Variants in TRIP11 observed in about 807,000 individuals in gnomAD.
The protein encoded by TRIP11 is thyroid hormone receptor interactor 11, also known as thyroid receptor-interacting protein 11.
A neutral mutation model predicts 223.1 loss-of-function variants in TRIP11; 148 were observed. The observed-to-expected ratio is 0.66, with a 90% CI of 0.58 to 0.76. TRIP11 has a LOEUF of 0.76. Ranked by LOEUF, TRIP11 falls within the 30% of genes least tolerant of loss-of-function variation. TRIP11 has a pLI of 0.00. For missense variants in TRIP11, 2,043 were observed against 2,222.0 expected, an observed-to-expected ratio of 0.92 and a Z score of 1.62; for synonymous variants, 762 against 772.6, an observed-to-expected ratio of 0.99 and a Z score of 0.23.
chr14:92,035,683 T>C (rs777056017), intron 1 of TRIP11, among the ~76,000 whole-genome samples: 5 of 151,796 alleles, frequency 3.3e-5, no homozygotes, highest in Non-Finnish European at 7.4e-5. Context: ...GTTCAAGTGA[T>C]TCTCCCACCT....
chr14:92,004,026 G>A lies in TRIP11; in HGVS notation c.3950C>T (p.Ser1317Phe). The A allele has an allele frequency of 6.2e-7, 1 of 1,614,166 alleles. No individual in the cohort carries two copies. Among genetic ancestry groups the A allele is most frequent in the Non-Finnish European group, 8.5e-7 (1 of 1,180,028 alleles). The change falls in exon 11 of 21, where the codon TCT (serine) becomes TTT (phenylalanine). Residue 1317 changes from serine to phenylalanine, a missense_variant. By Grantham distance (155) the Ser-to-Phe change is radical (BLOSUM62 -2). Transcript: ENST00000267622. The stretch of plus-strand genomic sequence containing the variant: ...CTGGGGAGTAAGCAATGATGCAGAA[G>A]ACAGCTGGGGTGAAATAATATCAAG... ...GKLDIISPQL[S>F]SASLLTPQSA... is the part of the protein sequence containing the mutation.
At chr14:91,981,012 AT>A (rs564098716) in intron 16 of TRIP11, among the ~76,000 whole-genome samples, 247 of 49,834 alleles carry the variant, frequency 5.0e-3, no homozygotes, top group Middle Eastern at 0.014. Context: ...ATATATATAT[AT>A]TTTTTTTTTT....
chr14:91,969,471 T>C lies in TRIP11; in HGVS notation c.*202A>G. 1 of 615,266 alleles carries C rather than the reference T, an allele frequency of 1.6e-6. No homozygotes were observed. The highest frequency in any genetic ancestry group is 2.9e-6 in the Non-Finnish European group (1 of 344,334). 38.1% of individuals were successfully genotyped at this position (615,266 alleles called of 1,614,324 possible). A position where few individuals can be genotyped will look rare whatever the true frequency, so the allele number is the denominator to read the frequency against. On this transcript the variant is annotated 3_prime_UTR_variant, in exon 21 of 21. Coordinates refer to ENST00000267622, the MANE Select transcript of TRIP11 (RefSeq NM_004239.4). ...TTAAATTAGGTCAAATCAGAAGGAA[T>C]AAAGCAGATTATATAGCAAACACTT... is the stretch of plus-strand genomic sequence containing the variant.
rs200000057 is a variant in TRIP11, at chr14:91,999,457, T to G, written c.4699-24A>C. 1.5e-4 allele frequency: 245 copies of G among 1,611,312 alleles called. 2 individuals carry two copies. The East Asian group carries it at 4.7e-3, about 31-fold the overall frequency. On this transcript the variant is annotated intron_variant, in intron 12 of 20. Transcript: ENST00000267622. The stretch of plus-strand genomic sequence containing the variant: ...ACCTAGGTAGAGGACATTATTTTTC[T>G]TTTACAAAATGCTCCCTTTCCACTG...
In TRIP11 at chr14:92,004,668, G is replaced by A. The variant is rs1378610883; in HGVS notation, c.3308C>T (p.Ala1103Val). 2.5e-6 allele frequency: 4 copies of A among 1,614,104 alleles called. No homozygotes were observed. Among genetic ancestry groups the A allele is most frequent in the Non-Finnish European group, 2.5e-6 (3 of 1,179,998 alleles). Residue 1103 changes from alanine (A) to valine (V), a missense_variant, in exon 11 of 21, where the codon GCT becomes GTT. Coordinates refer to ENST00000267622, the MANE Select transcript of TRIP11 (RefSeq NM_004239.4). ...TTCCCTAGTCTTCTCATTCAAAACA[G>A]CAAATACCTTTTCTCTTTCCATAGC... ...AYAMEREKVFAVLNEKTRENS... is the reference protein window; with the variant it reads ...AYAMEREKVFVVLNEKTRENS...
At chr14:92,038,325 G>A (rs976598914) in intron 1 of TRIP11, among the ~76,000 whole-genome samples, 1 of 152,016 alleles carries the variant, frequency 6.6e-6, no homozygotes, top group African/African-American at 2.4e-5. Flanking sequence ...AGGATACAAG[G>A]AGCGACCAGT....
chr14:92,031,449 T>C (rs1008883834), intron 2 of TRIP11, among the ~76,000 whole-genome samples: 1 of 152,142 alleles, frequency 6.6e-6, no homozygotes, highest in Non-Finnish European at 1.5e-5. Flanking sequence ...CGGTGTTGCA[T>C]GCCTGTGGTA....
chr14:92,016,297 C>A (rs768649248), intron 5 of TRIP11, among the ~76,000 whole-genome samples: 3 of 152,112 alleles, frequency 2.0e-5, no homozygotes, highest in African/African-American at 7.2e-5. Flanking sequence ...GTCAACCTGG[C>A]GCCTTCCTAC....
At position 92,011,057 on chromosome 14, in the gene TRIP11, C is replaced by A; in HGVS notation, c.1243G>T (p.Glu415Ter). 7.4e-6 allele frequency: 12 copies of A among 1,613,946 alleles called. No homozygotes were observed. Among genetic ancestry groups the A allele is most frequent in the African/African-American group, 1.3e-5 (1 of 74,992 alleles). ...SSLNQDNSLAEDNLKLKMRIE... is the reference protein window; with the variant it reads ...SSLNQDNSLA Reference sequence around the variant, plus strand: ...CGCATTTTAAGTTTCAGATTGTCTTCAGCAAGACTGTTATCCTACAAAAAT... The same window carrying A: ...CGCATTTTAAGTTTCAGATTGTCTTAAGCAAGACTGTTATCCTACAAAAAT... The change falls in exon 9 of 21, where the codon GAA becomes TAA. Residue 415 changes from glutamate (E) to a stop codon, truncating the protein, a stop_gained. Transcript: ENST00000267622. LOFTEE classifies it high-confidence loss of function.
rs2056792028 is a variant in TRIP11 at position 91,999,374 on chromosome 14, AT to A, written c.4757del (p.Asn1586IlefsTer4). 6.2e-7 allele frequency: 1 copy of A among 1,613,816 alleles called. No individual in the cohort carries two copies. Among genetic ancestry groups the A allele is most frequent in the South Asian group, 1.1e-5 (1 of 91,076 alleles). ...RSNQELERLR[N>X]HLLESEDSYT... ...AAGAATCTTCTGATTCTAAAAGATG[AT>A]TACGCAATCTCTCTAGCTCTTGGTT... On this transcript the variant is annotated frameshift_variant, in exon 13 of 21. Coordinates refer to ENST00000267622, the MANE Select transcript of TRIP11 (RefSeq NM_004239.4). LOFTEE classifies it high-confidence loss of function.
chr14:92,008,953 A>C (rs1287976123), intron 9 of TRIP11, among the ~76,000 whole-genome samples: 1 of 152,152 alleles, frequency 6.6e-6, no homozygotes, highest in Non-Finnish European at 1.5e-5. Context: ...TATAAAAGAA[A>C]CTCAACATTG....
chr14:92,012,978 T>C (rs564673068), intron 7 of TRIP11, among the ~76,000 whole-genome samples: 21 of 152,136 alleles, frequency 1.4e-4, no homozygotes, highest in Non-Finnish European at 2.5e-4. Context: ...TTTTAAAAGC[T>C]AACTCTTCAG....
chr14:91,997,059 G>T (rs2056760306), intron 13 of TRIP11, among the ~76,000 whole-genome samples: 1 of 152,150 alleles, frequency 6.6e-6, no homozygotes, highest in Non-Finnish European at 1.5e-5. Context: ...GCACCCTCTT[G>T]TGGAAAGAGC....
At position 92,015,765 on chromosome 14, in the gene TRIP11, G is replaced by T. The variant is rs186197454; in HGVS notation, c.754C>A (p.Arg252=). ...TCACTTAATTCTTCTCGATGTCGTC[G>T]ACTTATTTCTGTCAATTTCTGTTGG... ...AHQQKLTEIS[R]RHREELSDYE... The change falls in exon 6 of 21, where the codon CGA becomes AGA. Residue 252 remains arginine, a synonymous_variant. Transcript: ENST00000267622. 221 of 1,613,274 alleles carry T rather than the reference G, an allele frequency of 1.4e-4. 1 individual carries two copies. The East Asian group carries it at 4.2e-3, about 31-fold the overall frequency.
At chr14:92,026,887 G>A (rs2057195392) in intron 2 of TRIP11, 2 of 1,506,120 alleles carry the variant, frequency 1.3e-6, no homozygotes, top group African/African-American at 2.8e-5. Flanking sequence ...AGGATGACTA[G>A]ACAGCAAAAA....
At chr14:92,035,585 A>ATTT (rs550426136) in intron 1 of TRIP11, among the ~76,000 whole-genome samples, 1 of 137,992 alleles carries the variant, frequency 7.2e-6, no homozygotes, top group African/African-American at 2.7e-5. Context: ...TTATTTATTT[A>ATTT]TTTTTTTTTT....
Position 92,001,443 on chromosome 14 carries a change from T to G in TRIP11, c.4558-1335A>C, listed in dbSNP as rs2056825028. Among the ~76,000 whole-genome samples the G allele has an allele frequency of 4.0e-5, 6 of 151,708 alleles. No homozygotes were observed. In the South Asian group the frequency reaches 1.3e-3, roughly 32 times the overall value. On this transcript the variant is annotated intron_variant, in intron 11 of 20. Transcript: ENST00000267622. ...GAGAAATTAAATAGATCTGAATATC[T>G]CCTATTGAGAACATCCTTTTCTCCC...
rs768101560 is a variant in TRIP11, at chr14:92,006,305, T to G, written c.1671A>C (p.Leu557Phe). The G allele has an allele frequency of 9.3e-6, 15 of 1,610,678 alleles. No homozygotes were observed. Among genetic ancestry groups the G allele is most frequent in the Middle Eastern group, 3.3e-4 (2 of 6,068 alleles). ...EDDKMDITKE[L>F]DVQKEKLIQS... ...GAATTAGCTTTTCTTTCTGTACATC[T>G]AACTCTTTAGTAATGTCCATTTTAT... The change falls in exon 11 of 21, where the codon TTA (leucine) becomes TTC (phenylalanine). Residue 557 changes from leucine (L) to phenylalanine (F), a missense_variant. Physicochemically the swap from Leu to Phe is conservative, Grantham distance 22. Coordinates refer to ENST00000267622, the MANE Select transcript of TRIP11 (RefSeq NM_004239.4).
chr14:91,976,248 T>A (rs148457049), intron 16 of TRIP11, 59 bp from the exon 17 acceptor site: 1 of 1,410,412 alleles, frequency 7.1e-7, no homozygotes. Context: ...TCTGGATGAC[T>A]ATATAATGAA....
Sources: gnomAD v4.1 joint callset for allele counts (sites outside exome capture counted in the v4.1 genomes callset) on GRCh38, gnomAD v4.1.1 for gene constraint, MANE v1.5 for transcripts, NCBI Gene and HGNC (gene_info 2026-07-23, HGNC 2026-07-21) for gene names.